The following CDK12 variants were observed in gnomAD, a reference collection of about 807,000 sequenced individuals.
CDK12 encodes the protein cyclin dependent kinase 12.
A neutral mutation model predicts 133.8 loss-of-function variants in CDK12; 17 were observed. The observed-to-expected ratio is 0.13, with a 90% CI of 0.09 to 0.19. The LOEUF (loss-of-function observed/expected upper bound fraction) is 0.19. Ranked by LOEUF, CDK12 falls within the 10% of genes least tolerant of loss-of-function variation. CDK12 has a pLI of 1.00. For synonymous variants in CDK12, 694 were observed against 683.6 expected (o/e 1.02, Z -0.24); for missense variants, 1,508 against 1,818.7 (o/e 0.83, Z 3.11).
rs762953806 is a variant in CDK12 at position 39,510,114 on chromosome 17, C to CTT, written c.2666+374_2666+375dup. Among the ~76,000 whole-genome samples, 516 of 125,400 alleles carry CTT rather than the reference C, an allele frequency of 4.1e-3. 2 individuals carry two copies. Among genetic ancestry groups the CTT allele is most frequent in the African/African-American group, 6.2e-3 (192 of 30,964 alleles). 82.3% of individuals were successfully genotyped at this position (125,400 alleles called of 152,430 possible). A position where few individuals can be genotyped will look rare whatever the true frequency, so the allele number is the denominator to read the frequency against. On this transcript the variant is annotated intron_variant, in intron 7 of 13. Transcript: ENST00000447079. ...ACCGCACCTGGGCAACAATCTCTCTCTTTTTTTTTTTTTTTTTTTTTTGAA... is the reference window on the plus strand; with the variant it reads ...ACCGCACCTGGGCAACAATCTCTCTCTTTTTTTTTTTTTTTTTTTTTTTTGAA...
At chr17:39,529,155 A>G (rs1316572744) in intron 13 of CDK12, among the ~76,000 whole-genome samples, 1 of 152,156 alleles carries the variant, frequency 6.6e-6, no homozygotes, top group Non-Finnish European at 1.5e-5. Context: ...AACATTGACA[A>G]CCTGGAAAAC....
chr17:39,520,984 T>C (rs2054129189), intron 11 of CDK12, among the ~76,000 whole-genome samples: 1 of 151,848 alleles, frequency 6.6e-6, no homozygotes, highest in Non-Finnish European at 1.5e-5. Context: ...AAGCTGAAAT[T>C]ACAGGCACGT....
At chr17:39,466,929 T>C (rs956797255) in intron 1 of CDK12, among the ~76,000 whole-genome samples, 1 of 152,042 alleles carries the variant, frequency 6.6e-6, no homozygotes, top group African/African-American at 2.4e-5. Context: ...CTTGTGTTTT[T>C]TTCCTTGGGA....
chr17:39,495,176 T>G (rs1194961985), intron 5 of CDK12, among the ~76,000 whole-genome samples: 3 of 152,070 alleles, frequency 2.0e-5, no homozygotes, highest in Non-Finnish European at 1.5e-5. Context: ...CCTCTCGGGT[T>G]TAAGTGATTC....
intron 2 of CDK12, among the ~76,000 whole-genome samples, chr17:39,477,266 C>T (rs1161533674): frequency 2.6e-5 from 4 of 151,568 alleles, no homozygotes; most frequent in Admixed American, 6.6e-5. Context: ...GAGTGAGTCT[C>T]ACCCTGTTGC....
In CDK12 at chr17:39,526,299, C is replaced by A; in HGVS notation, c.3743C>A (p.Pro1248Gln). 1 of 1,595,080 alleles carries A rather than the reference C, an allele frequency of 6.3e-7. No individual in the cohort carries two copies. Among genetic ancestry groups the A allele is most frequent in the East Asian group, 2.2e-5 (1 of 44,450 alleles). ...GGGCCCCGAAGAACTCCCACAATGC[C>A]ACAGGAGGAGGCAGCAGGTAAACAG... is the stretch of plus-strand genomic sequence containing the variant. ...PQGPRRTPTMPQEEAAACPPH... is the reference protein window; with the variant it reads ...PQGPRRTPTMQQEEAAACPPH... The change falls in exon 13 of 14, where the codon CCA (proline) becomes CAA (glutamine). Residue 1248 changes from proline to glutamine, a missense_variant. This residue lies in a region of CDK12 where 399 missense variants were observed against 469.6 expected (regional missense o/e 0.85). Transcript: ENST00000447079.
intron 2 of CDK12, among the ~76,000 whole-genome samples, chr17:39,485,564 C>CTGTT (rs1193457649): frequency 0.015 from 2,208 of 151,940 alleles, 54 homozygotes; most frequent in African/African-American, 0.05. Flanking sequence ...AGGCGGGTGC[C>CTGTT]ACCACGCCTG....
At position 39,492,819 on chromosome 17, in the gene CDK12, A is replaced by C; in HGVS notation, c.2177A>C (p.Lys726Thr). Reference protein sequence around the residue: ...ESDWGKRCVDKFDIIGIIGEG... With the variant: ...ESDWGKRCVDTFDIIGIIGEG... ...GACTGGGGGAAACGCTGTGTGGACA[A>C]GTTTGACATTATTGGGATTATTGGA... The change falls in exon 4 of 14, where the codon AAG (lysine) becomes ACG (threonine). Residue 726 changes from lysine (K) to threonine (T), a missense_variant. This residue lies in a region of CDK12 where 74 missense variants were observed against 160.2 expected (regional missense o/e 0.46). Transcript: ENST00000447079. 1.9e-6 allele frequency: 3 copies of C among 1,613,440 alleles called. No homozygotes were observed. The highest frequency in any genetic ancestry group is 2.5e-6 in the Non-Finnish European group (3 of 1,179,452).
intron 6 of CDK12, among the ~76,000 whole-genome samples, chr17:39,502,319 A>AT (rs2052779327): frequency 6.6e-6 from 1 of 150,450 alleles, no homozygotes; most frequent in South Asian, 2.1e-4. Context: ...CGCCCAGCTA[A>AT]TTTTTTTGTA....
At position 39,476,717 on chromosome 17, in the gene CDK12, T is replaced by A. The variant is rs1422360721; in HGVS notation, c.1931+4954T>A. The stretch of plus-strand genomic sequence containing the variant: ...CATGAGCCACCATGCCTGCCTTTTT[T>A]TTTTTTTTTTTTTTTTTTTTTTTGA... On this transcript the variant is annotated intron_variant, in intron 2 of 13. Transcript: ENST00000447079. Among the ~76,000 whole-genome samples the A allele has an allele frequency of 5.9e-4, 59 of 100,344 alleles. 6 individuals carry two copies. The highest frequency in any genetic ancestry group is 4.5e-3 in the South Asian group (12 of 2,660). 65.8% of individuals were successfully genotyped at this position (100,344 alleles called of 152,430 possible).
chr17:39,520,872 A>T (rs939218436), intron 11 of CDK12, among the ~76,000 whole-genome samples: 1 of 151,754 alleles, frequency 6.6e-6, no homozygotes, highest in Non-Finnish European at 1.5e-5. Flanking sequence ...TTTGAGATGG[A>T]GTTTCGCTCT....
chr17:39,484,099 A>G (rs1481972269), intron 2 of CDK12, among the ~76,000 whole-genome samples: 1 of 152,162 alleles, frequency 6.6e-6, no homozygotes. Flanking sequence ...CTACCTCGGC[A>G]TTCCAAAGAG....
intron 2 of CDK12, among the ~76,000 whole-genome samples, chr17:39,486,466 T>C (rs1020801406): frequency 1.3e-5 from 2 of 151,526 alleles, no homozygotes; most frequent in African/African-American, 4.9e-5. Context: ...AAGGTCTCAC[T>C]ATGTTGCTCA....
At position 39,526,021 on chromosome 17, in the gene CDK12, A is replaced by G; in HGVS notation, c.3465A>G (p.Gln1155=). The part of the protein sequence containing the change: ...EMQQQLEALN[Q]SISALTEATS... ...AGCAGCAGCTGGAAGCCCTGAACCA[A>G]TCCATCAGTGCCCTGACGGAAGCTA... The change falls in exon 13 of 14, where the codon CAA becomes CAG. Residue 1155 remains glutamine (Q), a synonymous_variant. Coordinates refer to ENST00000447079, the MANE Select transcript of CDK12 (RefSeq NM_016507.4). 6.2e-7 allele frequency: 1 copy of G among 1,614,146 alleles called. No individual in the cohort carries two copies. Among genetic ancestry groups the G allele is most frequent in the Non-Finnish European group, 8.5e-7 (1 of 1,180,036 alleles).
chr17:39,521,807 C>T (rs2054189505), intron 11 of CDK12, among the ~76,000 whole-genome samples: 2 of 152,112 alleles, frequency 1.3e-5, no homozygotes, highest in African/African-American at 4.8e-5. Flanking sequence ...GGTGATCTGC[C>T]TGCCTCAGCC....
chr17:39,479,030 C>T (rs569943042), intron 2 of CDK12, among the ~76,000 whole-genome samples: 1 of 151,952 alleles, frequency 6.6e-6, no homozygotes, highest in African/African-American at 2.4e-5. Context: ...ATCTAATGGC[C>T]GGGTGCGGTG....
chr17:39,517,303 C>T lies in CDK12; in HGVS notation c.2847-137C>T, dbSNP rs549535286. The T allele has an allele frequency of 1.7e-5, 11 of 636,500 alleles. No homozygotes were observed. The South Asian group carries it at 2.3e-4, about 13-fold the overall frequency. 39.4% of individuals were successfully genotyped at this position (636,500 alleles called of 1,614,324 possible). On this transcript the variant is annotated intron_variant, in intron 9 of 13. Transcript: ENST00000447079. ...CCTTAAAGCAGTAATGTCATATTTT[C>T]CTTTCTGCATGCCCTGTAATGTAAT...
chr17:39,464,692 G>A (rs1359360966), intron 1 of CDK12, among the ~76,000 whole-genome samples: 1 of 151,866 alleles, frequency 6.6e-6, no homozygotes, highest in Non-Finnish European at 1.5e-5. Context: ...AGCACAGAAA[G>A]GTTGTAGTGA....
At chr17:39,527,284 A>G (rs1293105855) in intron 13 of CDK12, among the ~76,000 whole-genome samples, 9 of 152,238 alleles carry the variant, frequency 5.9e-5, no homozygotes. Context: ...TTTTCAGAGG[A>G]AAGTGTAGAG....
Sources: allele counts gnomAD v4.1 joint callset (sites outside exome capture counted in the v4.1 genomes callset), GRCh38; gene constraint gnomAD v4.1.1; regional missense constraint gnomAD v4.1.1; transcripts MANE v1.5; gene names NCBI Gene and HGNC (gene_info 2026-07-23, HGNC 2026-07-21).